TAB2: variants seen among roughly 807,000 people sequenced by gnomAD.
TAB2 encodes the protein TGF-beta activated kinase 1 (MAP3K7) binding protein 2.
TAB2 carries 3 observed loss-of-function variants against 65.0 expected under a neutral mutation model. The observed-to-expected ratio is 0.05, with a 90% confidence interval of 0.02 to 0.12. TAB2 has a LOEUF of 0.12. TAB2 is among the 10% of genes least tolerant of loss of function. The probability of loss-of-function intolerance (pLI) is 1.00; values close to 1 mark genes in which losing one functional copy is unlikely to be tolerated. For missense variants in TAB2, 623 were observed against 840.3 expected (o/e 0.74, Z 3.20); for synonymous variants, 298 against 285.1 (o/e 1.05, Z -0.46).
chr6:149,372,102 T>C (rs1781245920), intron 2 of TAB2, among the ~76,000 whole-genome samples: 1 of 152,164 alleles, frequency 6.6e-6, no homozygotes, highest in South Asian at 2.1e-4. Flanking sequence ...TCCCTACATA[T>C]AGTACAGGTA....
rs562028214 is a variant in TAB2 at position 149,231,479 on chromosome 6, T to C, written c.-121+12703T>C. 5.3e-5 allele frequency among the ~76,000 whole-genome samples: 8 copies of C among 152,370 alleles called. No homozygotes were observed. The East Asian group carries it at 1.5e-3, about 29-fold the overall frequency. The stretch of plus-strand genomic sequence containing the variant: ...TGTTTAACAACTCTTTGTGGTGTTT[T>C]CTTCTAATTTTCCTACAAATTAAAT... On this transcript the variant is annotated intron_variant, in intron 1 of 1. Coordinates refer to the TAB2 transcript ENST00000606202.
chr6:149,245,874 A>C (rs1457665439), intron 1 of TAB2, among the ~76,000 whole-genome samples: 1 of 152,148 alleles, frequency 6.6e-6, no homozygotes, highest in Non-Finnish European at 1.5e-5. Context: ...ACTTCTGTCT[A>C]TACATTTCTC....
At chr6:149,285,326 A>G (rs1778658037) in intron 1 of TAB2, among the ~76,000 whole-genome samples, 1 of 152,206 alleles carries the variant, frequency 6.6e-6, no homozygotes, top group Non-Finnish European at 1.5e-5. Flanking sequence ...GGCACCAAAG[A>G]CAACCCTCAA....
chr6:149,241,899 C>T (rs1442170003), intron 1 of TAB2, among the ~76,000 whole-genome samples: 3 of 152,132 alleles, frequency 2.0e-5, no homozygotes, highest in African/African-American at 2.4e-5. Context: ...CCTTCCAGCC[C>T]GTGCCTCCTC....
chr6:149,283,602 C>T (rs1171992854), intron 1 of TAB2, among the ~76,000 whole-genome samples: 2 of 152,004 alleles, frequency 1.3e-5, no homozygotes, highest in African/African-American at 2.4e-5. Context: ...CTCAGCTATT[C>T]GGGAGGCTGA....
At chr6:149,404,628 TG>T (rs2114967168) in intron 6 of TAB2, among the ~76,000 whole-genome samples, 1 of 152,310 alleles carries the variant, frequency 6.6e-6, no homozygotes. Flanking sequence ...AATAAATCCA[TG>T]TGTCTGTGGT....
intron 1 of TAB2, among the ~76,000 whole-genome samples, chr6:149,340,735 G>A (rs956762824): frequency 1.3e-5 from 2 of 152,114 alleles, no homozygotes; most frequent in African/African-American, 4.8e-5. Flanking sequence ...TCTGAGGAAT[G>A]CAGTAATTCA....
At chr6:149,238,535 T>C (rs1777540208) in intron 1 of TAB2, among the ~76,000 whole-genome samples, 1 of 152,198 alleles carries the variant, frequency 6.6e-6, no homozygotes, top group African/African-American at 2.4e-5. Flanking sequence ...AACAAGGACA[T>C]TGGCCAGACA....
intron 1 of TAB2, among the ~76,000 whole-genome samples, chr6:149,367,164 T>G (rs894043498): frequency 1.3e-5 from 2 of 152,092 alleles, no homozygotes; most frequent in East Asian, 1.9e-4. Context: ...GATGGAGAGA[T>G]AATAAAATAT....
chr6:149,290,256 G>A (rs1037901482), intron 1 of TAB2, among the ~76,000 whole-genome samples: 2 of 152,110 alleles, frequency 1.3e-5, no homozygotes, highest in African/African-American at 2.4e-5. Flanking sequence ...TTCAGATGGT[G>A]GAGAGGCTTA....
chr6:149,222,038 C>T (rs1032274243), intron 1 of TAB2, among the ~76,000 whole-genome samples: 1 of 152,124 alleles, frequency 6.6e-6, no homozygotes, highest in Non-Finnish European at 1.5e-5. Context: ...GATCCTTATC[C>T]AATCTGTAGA....
chr6:149,251,945 A>G (rs1444762332), intron 1 of TAB2, among the ~76,000 whole-genome samples: 3 of 152,118 alleles, frequency 2.0e-5, no homozygotes, highest in East Asian at 3.8e-4. Context: ...TGAAAGGAAC[A>G]TGATTTTCTT....
intron 1 of TAB2, among the ~76,000 whole-genome samples, chr6:149,332,341 A>T (rs1459505635): frequency 3.3e-5 from 5 of 152,182 alleles, no homozygotes; most frequent in Non-Finnish European, 7.4e-5. Context: ...TTAAAACTAT[A>T]CCTGTGACTG....
intron 6 of TAB2, among the ~76,000 whole-genome samples, chr6:149,404,994 A>G (rs1782614964): frequency 6.6e-6 from 1 of 152,204 alleles, no homozygotes; most frequent in African/African-American, 2.4e-5. Context: ...AAAGGGAGAA[A>G]ATATTCACAA....
chr6:149,284,075 T>C (rs896985031), intron 1 of TAB2, among the ~76,000 whole-genome samples: 1 of 152,180 alleles, frequency 6.6e-6, no homozygotes, highest in African/African-American at 2.4e-5. Context: ...ATATATCTTC[T>C]CTTTTTAGAG....
chr6:149,352,349 C>CT (rs1780518750), intron 1 of TAB2, among the ~76,000 whole-genome samples: 1 of 152,110 alleles, frequency 6.6e-6, no homozygotes, highest in African/African-American at 2.4e-5. Context: ...TATATAGTAG[C>CT]TGCAGAATCT....
chr6:149,272,279 T>TC (rs1778378001), intron 1 of TAB2, among the ~76,000 whole-genome samples: 1 of 152,222 alleles, frequency 6.6e-6, no homozygotes, highest in South Asian at 2.1e-4. Flanking sequence ...CCAGATGATT[T>TC]CATTTCCTAC....
intron 1 of TAB2, among the ~76,000 whole-genome samples, chr6:149,269,928 A>G (rs1004315485): frequency 6.6e-6 from 1 of 152,218 alleles, no homozygotes; most frequent in Non-Finnish European, 1.5e-5. Flanking sequence ...TTGTGTGGAC[A>G]TAGGTTTTCA....
At chr6:149,400,897 CA>C in intron 6 of TAB2, 1 of 564,574 alleles carries the variant, frequency 1.8e-6, no homozygotes, top group Non-Finnish European at 3.1e-6. Context: ...ACCAAACAGC[CA>C]ATGGTATGTT....
Sources: allele counts gnomAD v4.1 joint callset (sites outside exome capture counted in the v4.1 genomes callset), GRCh38; gene constraint gnomAD v4.1.1; transcripts MANE v1.5; gene names NCBI Gene and HGNC (gene_info 2026-07-23, HGNC 2026-07-21).